Variants in MYLK4 observed in about 807,000 individuals in gnomAD.
MYLK4 encodes myosin light chain kinase family member 4.
In MYLK4, 46 loss-of-function variants were observed where a neutral mutation model predicts 48.1. The observed-to-expected ratio is 0.96, with a 90% CI of 0.75 to 1.22. MYLK4 has a LOEUF of 1.22. Among genes scored for constraint, MYLK4 ranks in the 50% most tolerant of loss-of-function variants. The pLI, the probability that MYLK4 is intolerant of heterozygous loss-of-function variation, is 0.00. For missense variants in MYLK4, 451 were observed against 486.1 expected (o/e 0.93, Z 0.68); for synonymous variants, 170 against 180.8 (o/e 0.94, Z 0.48).
chr6:2,716,471 T>A (rs1361459418), intron 2 of MYLK4, among the ~76,000 whole-genome samples: 1 of 152,260 alleles, frequency 6.6e-6, no homozygotes, highest in Non-Finnish European at 1.5e-5. Flanking sequence ...GTTATGCAGA[T>A]AGAAACTTAA....
chr6:2,718,550 C>T lies in MYLK4; in HGVS notation c.160-25691G>A, dbSNP rs183004949. 1.9e-3 allele frequency among the ~76,000 whole-genome samples: 294 copies of T among 152,316 alleles called. 4 individuals carry two copies. The highest frequency in any genetic ancestry group is 6.9e-3 in the African/African-American group (287 of 41,562). Reference sequence around the variant, plus strand: ...GCAGGAAAAGCAGATATGGTAGGAGCTCCAGCAGCCACTTTGGGACCATGA... The same window carrying T: ...GCAGGAAAAGCAGATATGGTAGGAGTTCCAGCAGCCACTTTGGGACCATGA... On this transcript the variant is annotated intron_variant, in intron 2 of 12. Transcript: ENST00000274643.
intron 2 of MYLK4, among the ~76,000 whole-genome samples, chr6:2,734,402 A>G (rs1763588170): frequency 6.6e-6 from 1 of 152,178 alleles, no homozygotes; most frequent in African/African-American, 2.4e-5. Context: ...CTCCCAGGGC[A>G]GAGGGAGTGC....
At chr6:2,740,694 A>G (rs530965998) in intron 2 of MYLK4, among the ~76,000 whole-genome samples, 17 of 152,330 alleles carry the variant, frequency 1.1e-4, no homozygotes, top group Non-Finnish European at 1.9e-4. Flanking sequence ...GAACTCAGGA[A>G]TGACATCGTA....
intron 2 of MYLK4, chr6:2,743,978 G>A (rs536168038): frequency 5.3e-5 from 21 of 398,836 alleles, no homozygotes; most frequent in East Asian, 1.4e-4. Flanking sequence ...AACTGAAGAC[G>A]AGAGAAGGCA....
At chr6:2,692,665 T>G in intron 3 of MYLK4, 119 bp downstream of exon 3, 1 of 530,162 alleles carries the variant, frequency 1.9e-6, no homozygotes, top group South Asian at 3.3e-5. Flanking sequence ...CATTTTTTTA[T>G]AAACATCACT....
intron 4 of MYLK4, among the ~76,000 whole-genome samples, chr6:2,686,418 A>C (rs749741931): frequency 2.0e-5 from 3 of 152,266 alleles, no homozygotes; most frequent in Non-Finnish European, 4.4e-5. Flanking sequence ...TATGAGCTTG[A>C]ATATAAACAC....
intron 2 of MYLK4, among the ~76,000 whole-genome samples, chr6:2,734,152 T>C (rs931489098): frequency 6.6e-6 from 1 of 152,236 alleles, no homozygotes; most frequent in African/African-American, 2.4e-5. Context: ...TACTCATGTC[T>C]GCAAACCCTT....
intron 2 of MYLK4, among the ~76,000 whole-genome samples, chr6:2,710,883 C>T (rs1174577210): frequency 6.6e-6 from 1 of 152,240 alleles, no homozygotes; most frequent in Non-Finnish European, 1.5e-5. Context: ...CTTATACTAT[C>T]ACCAATAATT....
chr6:2,743,086 A>G (rs1763954278), intron 2 of MYLK4, among the ~76,000 whole-genome samples: 1 of 152,172 alleles, frequency 6.6e-6, no homozygotes. Flanking sequence ...TGCAGTATAC[A>G]TGTGGTATTA....
At chr6:2,762,650 C>G in the MYLK4 span, among the ~76,000 whole-genome samples, 2 of 152,204 alleles carry the variant, frequency 1.3e-5, no homozygotes, top group South Asian at 4.1e-4. Context: ...CTTATGTGCT[C>G]GCAGTCAATG....
chr6:2,692,857 C>G lies in MYLK4; in HGVS notation c.162G>C (p.Ala54=). The G allele has an allele frequency of 1.2e-6, 2 of 1,612,506 alleles. No homozygotes were observed. Among genetic ancestry groups the G allele is most frequent in the Non-Finnish European group, 8.5e-7 (1 of 1,179,200 alleles). The change falls in exon 3 of 13, where the codon GCG becomes GCC. Residue 54 remains alanine, a splice_region_variant and synonymous_variant. Transcript: ENST00000274643. ...GGTCGGCGTTTGACCACACCTCCTT[C>G]GCCTGTGGAGGCACAATTGAGTAAT... ...DQDSRSGHNE[A]KEVWSNADLT...
the MYLK4 span, among the ~76,000 whole-genome samples, chr6:2,767,909 A>G: frequency 1.3e-5 from 2 of 152,250 alleles, no homozygotes; most frequent in Non-Finnish European, 2.9e-5. Flanking sequence ...AAGCAGCCAC[A>G]GAATGGGTGC....
chr6:2,674,594 C>T (rs963123430), intron 11 of MYLK4, among the ~76,000 whole-genome samples: 3 of 152,284 alleles, frequency 2.0e-5, no homozygotes, highest in African/African-American at 4.8e-5. Context: ...CATTTTAAGG[C>T]CGGGTGCAGT....
chr6:2,688,600 G>C (rs1420023957), intron 4 of MYLK4, among the ~76,000 whole-genome samples: 1 of 152,094 alleles, frequency 6.6e-6, no homozygotes, highest in Non-Finnish European at 1.5e-5. Context: ...TCAACCTTCT[G>C]GTGACTCACA....
intron 2 of MYLK4, among the ~76,000 whole-genome samples, chr6:2,729,025 A>G (rs549197162): frequency 6.6e-6 from 1 of 152,142 alleles, no homozygotes; most frequent in Non-Finnish European, 1.5e-5. Context: ...CACACATGCC[A>G]TGGTTCAAGG....
chr6:2,676,387 T>A (rs1302092055), intron 10 of MYLK4, among the ~76,000 whole-genome samples: 1 of 152,152 alleles, frequency 6.6e-6, no homozygotes, highest in African/African-American at 2.4e-5. Flanking sequence ...GGAAGTGTGG[T>A]TCTGCTTAGT....
chr6:2,763,424 T>A, the MYLK4 span, among the ~76,000 whole-genome samples: 1 of 151,880 alleles, frequency 6.6e-6, no homozygotes, highest in Non-Finnish European at 1.5e-5. Context: ...CGCGCAGGAG[T>A]CCCCAGTTGG....
intron 2 of MYLK4, among the ~76,000 whole-genome samples, chr6:2,727,433 G>C (rs1286877567): frequency 6.6e-6 from 1 of 152,156 alleles, no homozygotes; most frequent in African/African-American, 2.4e-5. Flanking sequence ...CTCCTCTAGA[G>C]TCTCAGGAGG....
chr6:2,763,001 A>G, the MYLK4 span, among the ~76,000 whole-genome samples: 29 of 152,232 alleles, frequency 1.9e-4, no homozygotes, highest in African/African-American at 6.8e-4. Context: ...CACAAGCAAA[A>G]GAAAGCCAAG....
Sources: allele counts gnomAD v4.1 joint callset (sites outside exome capture counted in the v4.1 genomes callset), GRCh38; gene constraint gnomAD v4.1.1; transcripts MANE v1.5; gene names NCBI Gene and HGNC (gene_info 2026-07-23, HGNC 2026-07-21).